The following SCAPER variants were observed in gnomAD, a reference collection of about 807,000 sequenced individuals.
The protein encoded by SCAPER is S-phase cyclin A associated protein in the ER.
In SCAPER, 98 loss-of-function variants were observed where a neutral mutation model predicts 182.2. The observed-to-expected ratio is 0.54, with a 90% confidence interval of 0.46 to 0.64. SCAPER has a LOEUF of 0.64. Ranked by LOEUF, SCAPER falls within the 30% of genes least tolerant of loss-of-function variation. The probability of loss-of-function intolerance (pLI) is 0.00; values close to 1 mark genes in which losing one functional copy is unlikely to be tolerated. For synonymous variants in SCAPER, 605 were observed against 564.6 expected (o/e 1.07, Z -1.01); for missense variants, 1,432 against 1,690.0 (o/e 0.85, Z 2.68).
chr15:76,872,324 C>A (rs2072785167), intron 2 of SCAPER, among the ~76,000 whole-genome samples: 1 of 152,062 alleles, frequency 6.6e-6, no homozygotes, highest in South Asian at 2.1e-4. Context: ...CAAAAGATAG[C>A]AGCCAAATTC....
intron 20 of SCAPER, among the ~76,000 whole-genome samples, chr15:76,698,598 G>T (rs1351966345): frequency 6.6e-6 from 1 of 152,082 alleles, no homozygotes; most frequent in Non-Finnish European, 1.5e-5. Context: ...CCAATTTTTG[G>T]CATGGGAGAA....
intron 8 of SCAPER, among the ~76,000 whole-genome samples, chr15:76,780,672 G>A (rs1406483947): frequency 6.6e-6 from 1 of 152,170 alleles, no homozygotes; most frequent in Non-Finnish European, 1.5e-5. Context: ...CTGGGACAAA[G>A]CTTCCAGAGG....
At position 76,749,934 on chromosome 15, in the gene SCAPER, G is replaced by GA. The variant is rs200616372; in HGVS notation, c.1866+3873dup. 6.0e-4 allele frequency among the ~76,000 whole-genome samples: 91 copies of GA among 151,092 alleles called. 5 individuals carry two copies. In the East Asian group the frequency reaches 0.013, roughly 21 times the overall value. ...GATCTAAAATAGCCAAAATAGCTCA[G>GA]AAAAAAAACAACAAAGCTTATGGAC... On this transcript the variant is annotated intron_variant, in intron 15 of 31. Transcript: ENST00000563290.
chr15:76,526,549 A>T (rs1443162766), intron 23 of SCAPER, among the ~76,000 whole-genome samples: 1 of 152,148 alleles, frequency 6.6e-6, no homozygotes, highest in African/African-American at 2.4e-5. Flanking sequence ...ACATCAATGG[A>T]GCCCCACAGT....
At chr15:76,437,990 A>C (rs768814996) in intron 25 of SCAPER, among the ~76,000 whole-genome samples, 5 of 152,148 alleles carry the variant, frequency 3.3e-5, no homozygotes, top group Non-Finnish European at 4.4e-5. Flanking sequence ...ATAATATAAA[A>C]AAGAAAAATG....
rs902739500 is a variant in SCAPER at position 76,901,119 on chromosome 15, A to G, written c.-60+4180T>C. 1.3e-5 allele frequency among the ~76,000 whole-genome samples: 2 copies of G among 152,150 alleles called. 1 individual carries two copies. Among genetic ancestry groups the G allele is most frequent in the African/African-American group, 4.8e-5 (2 of 41,434 alleles). On this transcript the variant is annotated intron_variant, in intron 1 of 31. Coordinates refer to ENST00000563290, the MANE Select transcript of SCAPER (RefSeq NM_020843.4). ...GTGGCACCCGCCTGTAGTCCCAGCT[A>G]CTCAGGAGGCTGAGGCAGGAGAATC...
intron 26 of SCAPER, among the ~76,000 whole-genome samples, chr15:76,420,872 T>C (rs1016895786): frequency 1.3e-5 from 2 of 152,184 alleles, no homozygotes; most frequent in African/African-American, 4.8e-5. Context: ...CATGCGGTGT[T>C]TGGTTTTTTG....
chr15:76,711,099 G>T (rs763100878), intron 17 of SCAPER, among the ~76,000 whole-genome samples: 1 of 152,116 alleles, frequency 6.6e-6, no homozygotes, highest in Non-Finnish European at 1.5e-5. Flanking sequence ...AACATTTCTT[G>T]AAGTAAACAC....
chr15:76,581,332 G>C (rs1820628300), intron 22 of SCAPER, among the ~76,000 whole-genome samples: 2 of 152,094 alleles, frequency 1.3e-5, no homozygotes, highest in South Asian at 4.1e-4. Flanking sequence ...GTATTATCCT[G>C]ATACCAAAAC....
In SCAPER at chr15:76,462,683, T is replaced by C. The variant is rs189106240; in HGVS notation, c.3078+8529A>G. Among the ~76,000 whole-genome samples the C allele has an allele frequency of 7.2e-5, 11 of 152,268 alleles. No homozygotes were observed. In the East Asian group the frequency reaches 2.1e-3, roughly 29 times the overall value. On this transcript the variant is annotated intron_variant, in intron 25 of 31. Coordinates refer to ENST00000563290, the MANE Select transcript of SCAPER (RefSeq NM_020843.4). ...GTAGTCATTTAATTATTTTAGGTGA[T>C]AGTGATAATGGTGGTGAGGATACTA...
chr15:76,805,544 C>T (rs2066088663), intron 5 of SCAPER, among the ~76,000 whole-genome samples: 1 of 144,364 alleles, frequency 6.9e-6, no homozygotes, highest in South Asian at 2.2e-4. Context: ...GTACATTAGA[C>T]ATTTGTTTAC....
chr15:76,453,201 T>C (rs1376768436), intron 25 of SCAPER, among the ~76,000 whole-genome samples: 3 of 152,210 alleles, frequency 2.0e-5, no homozygotes, highest in African/African-American at 7.2e-5. Flanking sequence ...TAAATACTTT[T>C]GTGTATTTCC....
chr15:76,646,259 C>T (rs2017103), intron 21 of SCAPER, among the ~76,000 whole-genome samples: 1 of 152,098 alleles, frequency 6.6e-6, no homozygotes, highest in Non-Finnish European at 1.5e-5. Context: ...TGTAGATACA[C>T]AAACACACAC....
chr15:76,606,301 G>A (rs1010697296), intron 22 of SCAPER, among the ~76,000 whole-genome samples: 1 of 152,156 alleles, frequency 6.6e-6, no homozygotes, highest in African/African-American at 2.4e-5. Flanking sequence ...TCAGGAGCAG[G>A]TTGTTCAGTT....
At chr15:76,539,261 A>C (rs1171588010) in intron 23 of SCAPER, among the ~76,000 whole-genome samples, 1 of 152,194 alleles carries the variant, frequency 6.6e-6, no homozygotes, top group Non-Finnish European at 1.5e-5. Context: ...CAAAAACCTC[A>C]AAGTGGAATT....
At chr15:76,518,361 A>C (rs1597156200) in intron 23 of SCAPER, among the ~76,000 whole-genome samples, 1 of 152,290 alleles carries the variant, frequency 6.6e-6, no homozygotes, top group East Asian at 1.9e-4. Context: ...TGCCATGATA[A>C]GATATTTATT....
chr15:76,786,836 T>C (rs531181164), intron 8 of SCAPER, among the ~76,000 whole-genome samples: 27 of 152,350 alleles, frequency 1.8e-4, no homozygotes, highest in South Asian at 8.3e-4. Flanking sequence ...TAAATGTCCA[T>C]TGCATTTCTA....
chr15:76,591,576 C>T (rs1376153584), intron 22 of SCAPER, among the ~76,000 whole-genome samples: 1 of 152,172 alleles, frequency 6.6e-6, no homozygotes, highest in Non-Finnish European at 1.5e-5. Flanking sequence ...AGTCTCCCAC[C>T]TCAGCTTTCT....
At chr15:76,527,875 A>G (rs141344350) in intron 23 of SCAPER, among the ~76,000 whole-genome samples, 30 of 152,268 alleles carry the variant, frequency 2.0e-4, no homozygotes, top group African/African-American at 7.0e-4. Flanking sequence ...GGATGTGTCA[A>G]TGTATAAACT....
Sources: allele counts gnomAD v4.1 joint callset (sites outside exome capture counted in the v4.1 genomes callset), GRCh38; gene constraint gnomAD v4.1.1; transcripts MANE v1.5; gene names NCBI Gene and HGNC (gene_info 2026-07-23, HGNC 2026-07-21).